The following ZNRF3 variants were observed in gnomAD, a reference collection of about 807,000 sequenced individuals.
The protein encoded by ZNRF3 is zinc and ring finger 3.
A neutral mutation model predicts 72.5 loss-of-function variants in ZNRF3; 23 were observed. The observed-to-expected ratio is 0.32, with a 90% CI of 0.23 to 0.45. The LOEUF (loss-of-function observed/expected upper bound fraction) is 0.45. ZNRF3 is among the 20% of genes least tolerant of loss of function. ZNRF3 has a pLI of 1.00. For synonymous variants in ZNRF3, 610 were observed against 545.3 expected (o/e 1.12, Z -1.65); for missense variants, 1,169 against 1,272.1 (o/e 0.92, Z 1.23).
intron 1 of ZNRF3, among the ~76,000 whole-genome samples, chr22:28,953,520 T>C (rs2035203323): frequency 6.6e-6 from 1 of 152,156 alleles, no homozygotes; most frequent in South Asian, 2.1e-4. Flanking sequence ...CTCCAAGTGT[T>C]CTTGTCCTTC....
chr22:28,912,600 G>A (rs1363070745), intron 1 of ZNRF3, among the ~76,000 whole-genome samples: 1 of 151,360 alleles, frequency 6.6e-6, no homozygotes. Context: ...CCACTCTCCA[G>A]TTCTTTTGGA....
At chr22:29,021,490 CTTT>C (rs5844830) in intron 2 of ZNRF3, among the ~76,000 whole-genome samples, 7 of 144,246 alleles carry the variant, frequency 4.9e-5, no homozygotes, top group East Asian at 4.0e-4. Context: ...TTGTTTTAAT[CTTT>C]TTTTTTTTTT....
chr22:29,042,975 A>G (rs968047467), intron 3 of ZNRF3, among the ~76,000 whole-genome samples: 1 of 152,078 alleles, frequency 6.6e-6, no homozygotes, highest in Non-Finnish European at 1.5e-5. Flanking sequence ...GGGTTTCACC[A>G]TGTTGGCCAG....
chr22:28,937,131 A>G (rs998682341), intron 1 of ZNRF3, among the ~76,000 whole-genome samples: 2 of 148,498 alleles, frequency 1.3e-5, no homozygotes, highest in East Asian at 3.9e-4. Flanking sequence ...CATACATTTG[A>G]AGACGAAGAC....
At chr22:28,973,955 T>C (rs1188166913) in intron 1 of ZNRF3, among the ~76,000 whole-genome samples, 22 of 131,116 alleles carry the variant, frequency 1.7e-4, no homozygotes, top group African/African-American at 3.9e-4. Context: ...CTCTCTCTCT[T>C]TTTTTTTTTT....
Position 28,895,490 on chromosome 22 carries a change from A to G in ZNRF3, c.300+11424A>G, listed in dbSNP as rs541375391. ...GTCAGGAGATCGAGACCACGATGAA[A>G]CCCCGTCTCTACTAAAAATACAAAA... On this transcript the variant is annotated intron_variant, in intron 1 of 8. Transcript: ENST00000544604. Among the ~76,000 whole-genome samples the G allele has an allele frequency of 6.1e-4, 92 of 151,956 alleles. 1 individual carries two copies. Among genetic ancestry groups the G allele is most frequent in the Middle Eastern group, 3.4e-3 (1 of 294 alleles).
Position 28,987,052 on chromosome 22 carries a change from T to C in ZNRF3, c.301-24T>C, listed in dbSNP as rs541809381. ...CAAATGTGTAGCTTGCCTGCTGAAGTTTTCTTTCCATTTTATTTCCTAGAT... is the reference window on the plus strand; with the variant it reads ...CAAATGTGTAGCTTGCCTGCTGAAGCTTTCTTTCCATTTTATTTCCTAGAT... On this transcript the variant is annotated intron_variant, in intron 1 of 8. Transcript: ENST00000544604. 2.9e-4 allele frequency: 461 copies of C among 1,599,194 alleles called. No individual in the cohort carries two copies. In the South Asian group the frequency reaches 4.9e-3, roughly 17 times the overall value.
intron 2 of ZNRF3, among the ~76,000 whole-genome samples, chr22:28,987,799 T>C (rs1192580783): frequency 1.3e-5 from 2 of 151,890 alleles, no homozygotes; most frequent in Non-Finnish European, 2.9e-5. Context: ...TATGGGAAAA[T>C]GTTTCGGTTT....
intron 1 of ZNRF3, among the ~76,000 whole-genome samples, chr22:28,963,248 G>C (rs2035397679): frequency 6.6e-6 from 1 of 152,206 alleles, no homozygotes; most frequent in Non-Finnish European, 1.5e-5. Context: ...AATCCTGAAT[G>C]GGCAGAGGGC....
At chr22:29,013,469 T>A (rs550969653) in intron 2 of ZNRF3, among the ~76,000 whole-genome samples, 20 of 152,332 alleles carry the variant, frequency 1.3e-4, no homozygotes, top group African/African-American at 4.8e-4. Context: ...TCTAAAAAGA[T>A]AAGGCAAGAC....
At chr22:29,008,051 C>T (rs184186719) in intron 2 of ZNRF3, among the ~76,000 whole-genome samples, 173 of 152,196 alleles carry the variant, frequency 1.1e-3, no homozygotes, top group African/African-American at 3.9e-3. Context: ...CCACGGCGCC[C>T]GGCTCAGAAA....
chr22:28,970,752 C>CCA (rs2035558200), intron 1 of ZNRF3, among the ~76,000 whole-genome samples: 1 of 152,126 alleles, frequency 6.6e-6, no homozygotes, highest in South Asian at 2.1e-4. Flanking sequence ...TCCCTTCCCC[C>CCA]CAAAAAAGAG....
At position 29,049,813 on chromosome 22, in the gene ZNRF3, C is replaced by T. The variant is rs2037153375; in HGVS notation, c.1632C>T (p.Ala544=). ...GHRSVCSGYL[A]DCPGSDSSSS... The stretch of plus-strand genomic sequence containing the variant: ...GCTCGGTGTGCAGTGGCTACCTGGC[C>T]GACTGCCCAGGCAGCGACAGCAGCA... Residue 544 remains alanine, a synonymous_variant, in exon 8 of 9, where the codon GCC becomes GCT. Transcript: ENST00000544604. This position sits in a 1 kb window ranked among gnomAD's most constrained non-coding sequence, Gnocchi z 5.2. 7 of 1,607,664 alleles carry T rather than the reference C, an allele frequency of 4.4e-6. No homozygotes were observed. Among genetic ancestry groups the T allele is most frequent in the Non-Finnish European group, 5.9e-6 (7 of 1,176,982 alleles).
At chr22:28,985,162 T>C (rs2035833826) in intron 1 of ZNRF3, among the ~76,000 whole-genome samples, 1 of 152,162 alleles carries the variant, frequency 6.6e-6, no homozygotes, top group African/African-American at 2.4e-5. Context: ...ATACCACTGC[T>C]CCAAGAGGTT....
intron 2 of ZNRF3, among the ~76,000 whole-genome samples, chr22:29,014,274 C>T (rs186269669): frequency 7.2e-5 from 11 of 152,212 alleles, no homozygotes; most frequent in African/African-American, 2.4e-4. Flanking sequence ...CACCCCTTAC[C>T]CCCTCACTTA....
intron 1 of ZNRF3, among the ~76,000 whole-genome samples, chr22:28,985,210 CT>C (rs2035835007): frequency 6.6e-6 from 1 of 152,200 alleles, no homozygotes; most frequent in Non-Finnish European, 1.5e-5. Flanking sequence ...AGTGCACAAT[CT>C]TCTGCCTAAG....
At chr22:29,005,188 C>T (rs577950138) in intron 2 of ZNRF3, among the ~76,000 whole-genome samples, 175 of 152,364 alleles carry the variant, frequency 1.1e-3, no homozygotes, top group Non-Finnish European at 2.0e-3. Flanking sequence ...CTGCCCCAGC[C>T]AGGCTCACAA....
rs1395409903 is a variant in ZNRF3, at chr22:29,049,171, ACT to A, written c.1016-23_1016-22del. The A allele has an allele frequency of 6.4e-7, 1 of 1,567,970 alleles. No homozygotes were observed. The highest frequency in any genetic ancestry group is 8.7e-7 in the Non-Finnish European group (1 of 1,154,688). On this transcript the variant is annotated intron_variant, in intron 7 of 8. Transcript: ENST00000544604. The surrounding 1 kb of genome is among the most constrained non-coding windows in gnomAD (Gnocchi z 5.2). Reference sequence around the variant, plus strand: ...GACACCAGTATGCTCAGCCCTGCCTACTCTGTTTCCTCCACTTGTCTCCAGAA... The same window carrying A: ...GACACCAGTATGCTCAGCCCTGCCTACTGTTTCCTCCACTTGTCTCCAGAA...
chr22:29,052,420 T>C (rs6519770), intron 8 of ZNRF3, among the ~76,000 whole-genome samples: 78,214 of 152,032 alleles, frequency 0.51, 21,610 homozygotes, highest in African/African-American at 0.72. Context: ...GTTGGCCGGG[T>C]GCGGTGATTC....
Sources: allele counts gnomAD v4.1 joint callset (sites outside exome capture counted in the v4.1 genomes callset), GRCh38; gene constraint gnomAD v4.1.1; non-coding constraint Gnocchi (gnomAD v3.1); transcripts MANE v1.5; gene names NCBI Gene and HGNC (gene_info 2026-07-23, HGNC 2026-07-21).